The following HDAC9 variants were observed in gnomAD, a reference collection of about 807,000 sequenced individuals.
HDAC9 encodes MEF-2 interacting transcription repressor (MITR) protein.
HDAC9 carries 41 observed loss-of-function variants against 139.4 expected under a neutral mutation model. That is an observed-to-expected ratio of 0.29 (90% CI 0.23 to 0.38). The LOEUF (loss-of-function observed/expected upper bound fraction) is 0.38, where lower values mean the gene tolerates loss of function less well. Among genes scored for constraint, HDAC9 ranks in the 10% least tolerant of loss-of-function variants. The pLI, the probability that HDAC9 is intolerant of heterozygous loss-of-function variation, is 1.00. For missense variants in HDAC9, 1,147 were observed against 1,297.0 expected (o/e 0.88, Z 1.78); for synonymous variants, 517 against 476.2 (o/e 1.09, Z -1.12).
chr7:18,157,462 A>T (rs1787295081), intron 1 of HDAC9, among the ~76,000 whole-genome samples: 1 of 152,182 alleles, frequency 6.6e-6, no homozygotes, highest in Admixed American at 6.5e-5. Flanking sequence ...TCATTCATTT[A>T]TTTATACATT....
chr7:18,478,948 T>C (rs890884018), intron 1 of HDAC9, among the ~76,000 whole-genome samples: 2 of 152,132 alleles, frequency 1.3e-5, no homozygotes, highest in Non-Finnish European at 2.9e-5. Context: ...TTGCCTATTT[T>C]CTTTTGCCAA....
chr7:18,101,997 A>C (rs995558028), intron 1 of HDAC9, among the ~76,000 whole-genome samples: 1 of 152,174 alleles, frequency 6.6e-6, no homozygotes, highest in Non-Finnish European at 1.5e-5. Context: ...TTTATTCAGG[A>C]GGTTCTGTAG....
intron 6 of HDAC9, among the ~76,000 whole-genome samples, chr7:18,615,751 G>T (rs1838403594): frequency 6.6e-6 from 1 of 152,106 alleles, no homozygotes; most frequent in Non-Finnish European, 1.5e-5. Flanking sequence ...GATCTAGTCA[G>T]AACCAGTATT....
chr7:18,966,704 AAAAC>A (rs982530787), intron 24 of HDAC9, among the ~76,000 whole-genome samples: 1 of 127,218 alleles, frequency 7.9e-6, no homozygotes, highest in African/African-American at 3.0e-5. Context: ...CCGACTCAAA[AAAAC>A]AAACAGACCA....
intron 2 of HDAC9, among the ~76,000 whole-genome samples, chr7:18,283,840 C>A (rs556831767): frequency 1.9e-4 from 29 of 152,282 alleles, no homozygotes; most frequent in African/African-American, 7.0e-4. Flanking sequence ...ATGGCAGAAT[C>A]AACCACCTAA....
chr7:18,618,685 A>C (rs1839354305), intron 6 of HDAC9, among the ~76,000 whole-genome samples: 3 of 146,580 alleles, frequency 2.0e-5, no homozygotes, highest in Admixed American at 1.4e-4. Flanking sequence ...TGCCATTTCT[A>C]TTTGAATGGT....
chr7:18,209,823 T>G (rs555127466), intron 2 of HDAC9, among the ~76,000 whole-genome samples: 149 of 152,042 alleles, frequency 9.8e-4, no homozygotes, highest in African/African-American at 3.4e-3. Flanking sequence ...CCCTCAGCCT[T>G]CAGAGTAGCT....
At chr7:18,894,273 A>G (rs1163038428) in intron 22 of HDAC9, among the ~76,000 whole-genome samples, 4 of 152,164 alleles carry the variant, frequency 2.6e-5, no homozygotes, top group Admixed American at 1.3e-4. Flanking sequence ...CACCTAGGGA[A>G]CAAGTGTAGG....
chr7:18,971,945 T>C (rs928439084), intron 24 of HDAC9, among the ~76,000 whole-genome samples: 2 of 152,232 alleles, frequency 1.3e-5, no homozygotes, highest in Admixed American at 1.3e-4. Flanking sequence ...CTATTAACCA[T>C]GCATACCTTC....
chr7:18,720,446 G>A (rs1356748515), intron 12 of HDAC9, among the ~76,000 whole-genome samples: 2 of 150,784 alleles, frequency 1.3e-5, no homozygotes, highest in Non-Finnish European at 3.0e-5. Context: ...TGTCATTAAC[G>A]GCTTTCTTAC....
intron 1 of HDAC9, among the ~76,000 whole-genome samples, chr7:18,295,038 A>C (rs182788705): frequency 1.3e-5 from 2 of 152,264 alleles, no homozygotes; most frequent in Admixed American, 1.3e-4. Flanking sequence ...CTCAATTTAC[A>C]TGCTTTTGAA....
intron 2 of HDAC9, among the ~76,000 whole-genome samples, chr7:18,572,921 T>C (rs1233285798): frequency 6.6e-6 from 1 of 152,236 alleles, no homozygotes; most frequent in Non-Finnish European, 1.5e-5. Flanking sequence ...TTATGGTTTG[T>C]TATGACTGCT....
intron 6 of HDAC9, among the ~76,000 whole-genome samples, chr7:18,626,032 G>T (rs1046472777): frequency 8.6e-5 from 13 of 151,596 alleles, no homozygotes; most frequent in Non-Finnish European, 1.8e-4. Flanking sequence ...TGCAGCGTGG[G>T]TCATAGACTT....
chr7:18,508,851 A>G (rs1441110242), intron 2 of HDAC9, among the ~76,000 whole-genome samples: 4 of 152,224 alleles, frequency 2.6e-5, no homozygotes, highest in Non-Finnish European at 5.9e-5. Flanking sequence ...ACAACGTGCC[A>G]GGTATTTAAT....
At chr7:18,194,219 C>A (rs1198956914) in intron 2 of HDAC9, among the ~76,000 whole-genome samples, 1 of 152,158 alleles carries the variant, frequency 6.6e-6, no homozygotes, top group Non-Finnish European at 1.5e-5. Context: ...TTTCTACTTG[C>A]ATTCTTGATT....
At chr7:18,962,164 C>T (rs1003858439) in intron 24 of HDAC9, among the ~76,000 whole-genome samples, 3 of 152,098 alleles carry the variant, frequency 2.0e-5, no homozygotes, top group Admixed American at 2.0e-4. Context: ...AATCCCTGCC[C>T]TGTTGAGTTT....
Position 18,705,054 on chromosome 7 carries a change from A to T in HDAC9, c.1732-22526A>T, listed in dbSNP as rs2129107153. 2.0e-5 allele frequency among the ~76,000 whole-genome samples: 3 copies of T among 152,292 alleles called. No individual in the cohort carries two copies. The South Asian group carries it at 6.2e-4, about 32-fold the overall frequency. Reference sequence around the variant, plus strand: ...GTAAAATTATTTTCAATAATATATGATTTTTTAAATTAAATATGCGTTCCT... The same window carrying T: ...GTAAAATTATTTTCAATAATATATGTTTTTTTAAATTAAATATGCGTTCCT... On this transcript the variant is annotated intron_variant, in intron 12 of 25. Transcript: ENST00000686413.
chr7:18,196,111 G>A (rs1790709343), intron 2 of HDAC9, among the ~76,000 whole-genome samples: 1 of 152,062 alleles, frequency 6.6e-6, no homozygotes, highest in Non-Finnish European at 1.5e-5. Flanking sequence ...CACATTTCTT[G>A]AGAGTAATAC....
At chr7:18,921,498 C>T (rs1389136736) in intron 22 of HDAC9, among the ~76,000 whole-genome samples, 2 of 152,160 alleles carry the variant, frequency 1.3e-5, no homozygotes, top group Non-Finnish European at 2.9e-5. Flanking sequence ...CACTGGCCAT[C>T]AGAGAAATGC....
Sources: allele counts gnomAD v4.1 joint callset (sites outside exome capture counted in the v4.1 genomes callset), GRCh38; gene constraint gnomAD v4.1.1; transcripts MANE v1.5; gene names NCBI Gene and HGNC (gene_info 2026-07-23, HGNC 2026-07-21).